RBFOX1: variants seen among roughly 807,000 people sequenced by gnomAD.
RBFOX1 encodes the protein RNA binding protein fox-1 homolog 1.
A neutral mutation model predicts 57.7 loss-of-function variants in RBFOX1; 8 were observed. The ratio of observed to expected loss-of-function variants is 0.14; its 90% CI spans 0.08 to 0.25. The LOEUF (loss-of-function observed/expected upper bound fraction) is 0.25. Among genes scored for constraint, RBFOX1 ranks in the 10% least tolerant of loss-of-function variants. The pLI, the probability that RBFOX1 is intolerant of heterozygous loss-of-function variation, is 1.00. For synonymous variants in RBFOX1, 326 were observed against 222.4 expected (o/e 1.47, Z -4.15); for missense variants, 611 against 548.5 (o/e 1.11, Z -1.14).
At chr16:7,707,699 G>C (rs2148513092) in intron 14 of RBFOX1, among the ~76,000 whole-genome samples, 1 of 152,254 alleles carries the variant, frequency 6.6e-6, no homozygotes, top group Middle Eastern at 3.4e-3. Context: ...AAAGCCCACA[G>C]CTAATGCCGA....
rs181880138 is a variant in RBFOX1 at position 6,276,880 on chromosome 16, T to C, written c.-126-40115T>C. On this transcript the variant is annotated intron_variant, in intron 1 of 15. Transcript: ENST00000550418. The stretch of plus-strand genomic sequence containing the variant: ...GAAATCTCCATGAAGACAAGGACCA[T>C]GCTCATTTTATTTTGTGCTTTATAT... Among the ~76,000 whole-genome samples, 33 of 152,238 alleles carry C rather than the reference T, an allele frequency of 2.2e-4. No homozygotes were observed. The Middle Eastern group carries it at 0.02, about 94-fold the overall frequency.
At chr16:6,548,181 C>T (rs7186931) in intron 2 of RBFOX1, among the ~76,000 whole-genome samples, 69,326 of 151,936 alleles carry the variant, frequency 0.46, 17,851 homozygotes, top group Non-Finnish European at 0.58. Flanking sequence ...TATTGTGAGT[C>T]TTGGGTATTG....
intron 4 of RBFOX1, among the ~76,000 whole-genome samples, chr16:5,984,392 A>G (rs1031474390): frequency 1.3e-5 from 2 of 151,642 alleles, no homozygotes; most frequent in Non-Finnish European, 1.5e-5. Context: ...GAATAGAGGA[A>G]GCAAAGAAGG....
intron 4 of RBFOX1, among the ~76,000 whole-genome samples, chr16:7,062,298 A>T (rs1318148406): frequency 1.5e-5 from 2 of 130,468 alleles, no homozygotes; most frequent in Non-Finnish European, 3.1e-5. Context: ...AGTCTGAGAG[A>T]CAGAGTGAGA....
chr16:5,848,870 A>G lies in RBFOX1; in HGVS notation c.319-18433A>G, dbSNP rs542414836. Reference sequence around the variant, plus strand: ...AGGCTGAGGCAGGAGAATCACTTGAATCTGGGAGGCAGAGGTTGCAGTGAG... The same window carrying G: ...AGGCTGAGGCAGGAGAATCACTTGAGTCTGGGAGGCAGAGGTTGCAGTGAG... On this transcript the variant is annotated intron_variant, in intron 3 of 19. Transcript: ENST00000641259. 7.5e-4 allele frequency among the ~76,000 whole-genome samples: 114 copies of G among 152,192 alleles called. 1 individual carries two copies. Among genetic ancestry groups the G allele is most frequent in the African/African-American group, 2.6e-3 (108 of 41,530 alleles).
At chr16:5,738,924 A>C (rs1567472158) in intron 3 of RBFOX1, among the ~76,000 whole-genome samples, 2 of 152,190 alleles carry the variant, frequency 1.3e-5, no homozygotes, top group East Asian at 3.9e-4. Context: ...ACTCAAAGCA[A>C]AATTGGGTCT....
At chr16:7,345,891 A>G (rs553677925) in intron 4 of RBFOX1, among the ~76,000 whole-genome samples, 15 of 152,098 alleles carry the variant, frequency 9.9e-5, no homozygotes, top group Non-Finnish European at 1.9e-4. Flanking sequence ...GGTTTGTTAC[A>G]TACATATACA....
At chr16:6,412,491 G>A (rs1045216506) in intron 2 of RBFOX1, among the ~76,000 whole-genome samples, 2 of 152,090 alleles carry the variant, frequency 1.3e-5, no homozygotes, top group African/African-American at 4.8e-5. Flanking sequence ...TCCTATAAAA[G>A]TTATCTTTCC....
In RBFOX1 at chr16:6,745,819, G is replaced by A. The variant is rs75561121; in HGVS notation, c.-16+91169G>A. Among the ~76,000 whole-genome samples, 580 of 152,236 alleles carry A rather than the reference G, an allele frequency of 3.8e-3. 6 individuals carry two copies. Among genetic ancestry groups the A allele is most frequent in the African/African-American group, 0.013 (549 of 41,548 alleles). On this transcript the variant is annotated intron_variant, in intron 3 of 15. Coordinates refer to ENST00000550418, the MANE Select transcript of RBFOX1 (RefSeq NM_018723.4). Reference sequence around the variant, plus strand: ...CAAGAAAAGGAGGTAAAAGGCATCTGTTTAGAGAAGAAAAAAACTGTCTTT... The same window carrying A: ...CAAGAAAAGGAGGTAAAAGGCATCTATTTAGAGAAGAAAAAAACTGTCTTT...
chr16:6,840,918 G>A (rs1225354317), intron 3 of RBFOX1, among the ~76,000 whole-genome samples: 1 of 106,916 alleles, frequency 9.4e-6, no homozygotes, highest in Non-Finnish European at 1.8e-5. Flanking sequence ...AAAAAGGTTT[G>A]AGAGACCCCT....
intron 5 of RBFOX1, among the ~76,000 whole-genome samples, chr16:7,578,445 G>C (rs570881810): frequency 1.3e-5 from 2 of 152,196 alleles, no homozygotes; most frequent in South Asian, 2.1e-4. Flanking sequence ...ATGCGATTCA[G>C]GGTGTGTTAG....
chr16:5,645,209 A>G (rs367977440), intron 3 of RBFOX1, among the ~76,000 whole-genome samples: 9 of 152,166 alleles, frequency 5.9e-5, no homozygotes, highest in East Asian at 1.9e-4. Context: ...AGATCGTGAC[A>G]TTGCACTCCA....
At chr16:7,401,693 C>T (rs2098246393) in intron 4 of RBFOX1, among the ~76,000 whole-genome samples, 1 of 152,098 alleles carries the variant, frequency 6.6e-6, no homozygotes, top group African/African-American at 2.4e-5. Context: ...TGTTGCTTGC[C>T]TCCAGAATTG....
intron 2 of RBFOX1, among the ~76,000 whole-genome samples, chr16:6,490,680 C>T (rs1598105383): frequency 6.6e-6 from 1 of 152,118 alleles, no homozygotes; most frequent in Non-Finnish European, 1.5e-5. Context: ...ATGAACAGCT[C>T]GTATCTGGTC....
chr16:5,856,567 G>A (rs1320238136), intron 3 of RBFOX1, among the ~76,000 whole-genome samples: 123 of 35,514 alleles, frequency 3.5e-3, no homozygotes, highest in Non-Finnish European at 5.6e-3. Flanking sequence ...GTGTGTATGT[G>A]TGTGTGTGTA....
At chr16:5,934,854 C>T (rs923722582) in intron 4 of RBFOX1, among the ~76,000 whole-genome samples, 1 of 152,218 alleles carries the variant, frequency 6.6e-6, no homozygotes, top group Non-Finnish European at 1.5e-5. Context: ...GGGCCACTCA[C>T]AGAAAGAGTT....
chr16:6,775,308 C>A (rs1397514389), intron 3 of RBFOX1, among the ~76,000 whole-genome samples: 1 of 123,082 alleles, frequency 8.1e-6, no homozygotes, highest in Non-Finnish European at 1.6e-5. Context: ...CCAGCCTGGG[C>A]GATACAGCGA....
intron 3 of RBFOX1, among the ~76,000 whole-genome samples, chr16:6,967,115 C>A (rs568156941): frequency 2.6e-5 from 4 of 152,228 alleles, no homozygotes; most frequent in South Asian, 4.2e-4. Flanking sequence ...ACTCATTCAT[C>A]CATTACTTAT....
At chr16:5,528,131 A>G (rs1309653155) in intron 2 of RBFOX1, among the ~76,000 whole-genome samples, 2 of 152,090 alleles carry the variant, frequency 1.3e-5, no homozygotes, top group South Asian at 2.1e-4. Context: ...GAGTGTCTGA[A>G]TACTGTCTAT....
Sources: gnomAD v4.1 joint callset for allele counts (sites outside exome capture counted in the v4.1 genomes callset) on GRCh38, gnomAD v4.1.1 for gene constraint, MANE v1.5 for transcripts, NCBI Gene and HGNC (gene_info 2026-07-23, HGNC 2026-07-21) for gene names.